The following SLC12A7 variants were observed in gnomAD, a reference collection of about 807,000 sequenced individuals.
SLC12A7 encodes the protein K-Cl cotransporter 4.
In SLC12A7, 100 loss-of-function variants were observed where a neutral mutation model predicts 120.6. That is an observed-to-expected ratio of 0.83 (90% CI 0.71 to 0.98). SLC12A7 has a LOEUF of 0.98. SLC12A7 is among the 50% of genes least tolerant of loss of function. SLC12A7 has a pLI of 0.00. For synonymous variants in SLC12A7, 760 were observed against 678.0 expected (o/e 1.12, Z -1.88); for missense variants, 1,373 against 1,548.1 (o/e 0.89, Z 1.90).
the SLC12A7 span, among the ~76,000 whole-genome samples, chr5:1,145,455 G>C: frequency 1.3e-5 from 2 of 152,238 alleles, no homozygotes; most frequent in African/African-American, 4.8e-5. This position sits in a 1 kb window ranked among gnomAD's most constrained non-coding sequence, Gnocchi z 4.4. Context: ...GCCATCGGAG[G>C]CTGCAGGCTG....
At chr5:1,079,125 G>A (rs1006717361) in intron 10 of SLC12A7, among the ~76,000 whole-genome samples, 21 of 152,108 alleles carry the variant, frequency 1.4e-4, no homozygotes, top group South Asian at 2.1e-4. Flanking sequence ...GCCTGCCGGC[G>A]GCACACCCCA....
At chr5:1,096,599 G>A (rs1304610291) in intron 1 of SLC12A7, among the ~76,000 whole-genome samples, 2 of 149,562 alleles carry the variant, frequency 1.3e-5, no homozygotes, top group African/African-American at 5.0e-5. Context: ...GGTGACTGGC[G>A]ACACTTTCTG....
At chr5:1,114,730 G>T (rs954570775), upstream of SLC12A7, among the ~76,000 whole-genome samples, 3 of 152,104 alleles carry the variant, frequency 2.0e-5, no homozygotes, top group African/African-American at 7.2e-5. Flanking sequence ...GGGGACTGCT[G>T]GGATCCGGGT....
intron 5 of SLC12A7, 94 bp downstream of exon 5, chr5:1,088,212 C>T (rs1370844825): frequency 7.6e-6 from 10 of 1,316,418 alleles, no homozygotes; most frequent in African/African-American, 2.9e-5. Context: ...GCCCCCGGCC[C>T]GGCCTCGCCA....
chr5:1,059,361 G>A (rs565984306), intron 21 of SLC12A7, among the ~76,000 whole-genome samples: 57 of 152,208 alleles, frequency 3.7e-4, no homozygotes, highest in Non-Finnish European at 7.9e-4. Context: ...ACGCAGACCC[G>A]TGTACTGCAG....
chr5:1,118,424 C>T, the SLC12A7 span, among the ~76,000 whole-genome samples: 1 of 152,230 alleles, frequency 6.6e-6, no homozygotes, highest in Non-Finnish European at 1.5e-5. Context: ...CTGAGAACAT[C>T]GTGGGCAGGC....
chr5:1,076,304 G>A, intron 13 of SLC12A7, 68 bp from the exon 14 acceptor site: 1 of 1,284,050 alleles, frequency 7.8e-7, no homozygotes, highest in South Asian at 1.3e-5. Context: ...ACTGCCACCT[G>A]GGAGACCACC....
At chr5:1,090,771 G>T (rs922653709) in intron 3 of SLC12A7, among the ~76,000 whole-genome samples, 4 of 152,214 alleles carry the variant, frequency 2.6e-5, no homozygotes, top group African/African-American at 9.6e-5. Flanking sequence ...CCAAAGGCGG[G>T]GGATCCTGAC....
intron 14 of SLC12A7, 55 bp downstream of exon 14, chr5:1,076,083 G>T: frequency 6.8e-7 from 1 of 1,463,686 alleles, no homozygotes. Context: ...CAGTGGCAGA[G>T]GCACCCAGTG....
chr5:1,062,929 T>G (rs1238892992), intron 20 of SLC12A7: 1 of 154,128 alleles, frequency 6.5e-6, no homozygotes, highest in African/African-American at 2.4e-5. Context: ...TCAAGACCAG[T>G]GTTGTCGGCG....
chr5:1,095,594 G>A (rs2150884175), intron 1 of SLC12A7, among the ~76,000 whole-genome samples: 1 of 152,358 alleles, frequency 6.6e-6, no homozygotes, highest in East Asian at 1.9e-4. Context: ...GACCCTGAGG[G>A]TGCAGAAGAA....
intron 8 of SLC12A7, among the ~76,000 whole-genome samples, chr5:1,082,615 T>C (rs1239155778): frequency 7.4e-6 from 1 of 134,532 alleles, no homozygotes; most frequent in Non-Finnish European, 1.6e-5. Flanking sequence ...GGGCTTCCTC[T>C]CTAGGGTTCT....
At chr5:1,061,989 G>A (rs553095495) in intron 20 of SLC12A7, among the ~76,000 whole-genome samples, 9 of 152,234 alleles carry the variant, frequency 5.9e-5, no homozygotes, top group Non-Finnish European at 8.8e-5. Flanking sequence ...CGACCCAGAC[G>A]CCCCTCTCCA....
intron 9 of SLC12A7, among the ~76,000 whole-genome samples, chr5:1,081,193 G>A (rs1739059176): frequency 6.6e-6 from 1 of 152,178 alleles, no homozygotes; most frequent in East Asian, 1.9e-4. Flanking sequence ...GCCAGGCGTG[G>A]TGGCTCAAGA....
At chr5:1,108,029 T>TTAACACAC (rs1742665402) in intron 1 of SLC12A7, among the ~76,000 whole-genome samples, 1 of 151,378 alleles carries the variant, frequency 6.6e-6, no homozygotes, top group African/African-American at 2.4e-5. Context: ...AACACACACA[T>TTAACACAC]ACACACACAC....
chr5:1,084,938 C>G (rs1739650026), intron 7 of SLC12A7, among the ~76,000 whole-genome samples: 1 of 152,234 alleles, frequency 6.6e-6, no homozygotes, highest in African/African-American at 2.4e-5. Context: ...CTGCACCTGA[C>G]CGTGCTCAGG....
intron 1 of SLC12A7, among the ~76,000 whole-genome samples, chr5:1,103,628 TACAC>T (rs1742220598): frequency 3.3e-5 from 5 of 152,122 alleles, no homozygotes; most frequent in South Asian, 2.1e-4. Context: ...CGCAGTCACA[TACAC>T]ACACCAACAC....
At chr5:1,063,154 C>T (rs1339309464) in intron 20 of SLC12A7, among the ~76,000 whole-genome samples, 1 of 152,200 alleles carries the variant, frequency 6.6e-6, no homozygotes, top group Non-Finnish European at 1.5e-5. Flanking sequence ...CCCGTCCTCT[C>T]CAGGCGTGAA....
At chr5:1,130,400 C>T in the SLC12A7 span, among the ~76,000 whole-genome samples, 9 of 151,094 alleles carry the variant, frequency 6.0e-5, no homozygotes, top group Admixed American at 4.6e-4. Context: ...AAAGACCTGG[C>T]CTTCCCAGAG....
Sources: gnomAD v4.1 joint callset for allele counts (sites outside exome capture counted in the v4.1 genomes callset) on GRCh38, gnomAD v4.1.1 for gene constraint, Gnocchi (gnomAD v3.1) non-coding constraint, MANE v1.5 for transcripts, NCBI Gene and HGNC (gene_info 2026-07-23, HGNC 2026-07-21) for gene names.